The following ADAM9 variants were observed in gnomAD, a reference collection of about 807,000 sequenced individuals.
The protein encoded by ADAM9 is ADAM metallopeptidase domain 9, also known as disintegrin and metalloproteinase domain-containing protein 9.
Under a neutral mutation model 108.1 loss-of-function variants are expected in ADAM9, and 54 were observed. That is an observed-to-expected ratio of 0.50 (90% confidence interval 0.40 to 0.63). The LOEUF (loss-of-function observed/expected upper bound fraction) is 0.63, where lower values mean the gene tolerates loss of function less well. Among genes scored for constraint, ADAM9 ranks in the 20% least tolerant of loss-of-function variants. The pLI, the probability that ADAM9 is intolerant of heterozygous loss-of-function variation, is 0.00. For synonymous variants in ADAM9, 316 were observed against 336.0 expected, an observed-to-expected ratio of 0.94 and a Z score of 0.65; for missense variants, 830 against 997.7, an observed-to-expected ratio of 0.83 and a Z score of 2.26.
intron 1 of ADAM9, among the ~76,000 whole-genome samples, chr8:39,001,307 A>G (rs1195475763): frequency 1.3e-5 from 2 of 152,242 alleles, no homozygotes; most frequent in East Asian, 1.9e-4. Flanking sequence ...GTTCACTTTA[A>G]GTCATATGTG....
Position 39,104,559 on chromosome 8 carries a change from A to G in ADAM9, c.*859A>G, listed in dbSNP as rs1332855791. 5.0e-6 allele frequency: 2 copies of G among 398,044 alleles called. No homozygotes were observed. Among genetic ancestry groups the G allele is most frequent in the East Asian group, 7.1e-5 (1 of 14,010 alleles). 24.7% of individuals were successfully genotyped at this position (398,044 alleles called of 1,614,324 possible). Reference sequence around the variant, plus strand: ...AGCAGGAGCAATTATAAAATCTTCAATCAATTGAACTTTTACAAAACCACT... The same window carrying G: ...AGCAGGAGCAATTATAAAATCTTCAGTCAATTGAACTTTTACAAAACCACT... On this transcript the variant is annotated 3_prime_UTR_variant, in exon 22 of 22. Transcript: ENST00000487273.
At chr8:39,064,913 T>C (rs1838408053) in intron 14 of ADAM9, among the ~76,000 whole-genome samples, 1 of 152,236 alleles carries the variant, frequency 6.6e-6, no homozygotes, top group Non-Finnish European at 1.5e-5. Context: ...GAAGCCATTC[T>C]GATTTTTATA....
At chr8:39,031,424 C>A (rs1469381480) in intron 11 of ADAM9, among the ~76,000 whole-genome samples, 1 of 152,142 alleles carries the variant, frequency 6.6e-6, no homozygotes, top group Admixed American at 6.5e-5. Context: ...CTATCTGTCA[C>A]CTTTTGCTAA....
intron 20 of ADAM9, among the ~76,000 whole-genome samples, chr8:39,098,993 A>C (rs1839598306): frequency 6.6e-6 from 1 of 152,010 alleles, no homozygotes; most frequent in Non-Finnish European, 1.5e-5. Flanking sequence ...AATGTTAGGA[A>C]CTCTGGTCCC....
chr8:39,045,096 G>GTATGTGTA (rs1837614839), intron 12 of ADAM9, among the ~76,000 whole-genome samples: 1 of 15,476 alleles, frequency 6.5e-5, no homozygotes, highest in African/African-American at 3.1e-4. Flanking sequence ...ACATACATAT[G>GTATGTGTA]TGTGTGTGCA....
Position 39,091,195 on chromosome 8 carries a change from G to T in ADAM9, c.2211-64G>T. 3 of 1,455,850 alleles carry T rather than the reference G, an allele frequency of 2.1e-6. No homozygotes were observed. In the Admixed American group the frequency reaches 5.0e-5, roughly 24 times the overall value. The allele number at this position is 1,455,850 out of a possible 1,614,324, so 90.2% of individuals were successfully genotyped here. On this transcript the variant is annotated intron_variant, in intron 19 of 21. Coordinates refer to ENST00000487273, the MANE Select transcript of ADAM9 (RefSeq NM_003816.3). Reference sequence around the variant, plus strand: ...CTGTATTTGGGAAAATGCAAAATGTGTGTAATATTTCATGTAGAAATGTTT... The same window carrying T: ...CTGTATTTGGGAAAATGCAAAATGTTTGTAATATTTCATGTAGAAATGTTT...
In ADAM9 at chr8:39,103,953, G is replaced by T. The variant is rs963019181; in HGVS notation, c.*253G>T. 1.6e-5 allele frequency: 10 copies of T among 640,906 alleles called. No homozygotes were observed. The highest frequency in any genetic ancestry group is 2.6e-5 in the Non-Finnish European group (9 of 348,350). The allele number at this position is 640,906 out of a possible 1,614,324, so 39.7% of individuals were successfully genotyped here. A position where few individuals can be genotyped will look rare whatever the true frequency, so the allele number is the denominator to read the frequency against. ...TTGAATAAGTCTTATTCAGTCATCG[G>T]TGAGGTTAATGCACTAATCATGGAT... On this transcript the variant is annotated 3_prime_UTR_variant, in exon 22 of 22. Coordinates refer to ENST00000487273, the MANE Select transcript of ADAM9 (RefSeq NM_003816.3).
rs200692015 is a variant in ADAM9 at position 39,045,150 on chromosome 8, A to G, written c.1302+3033A>G. 6.6e-4 allele frequency among the ~76,000 whole-genome samples: 71 copies of G among 106,894 alleles called. 7 individuals carry two copies. The East Asian group carries it at 8.2e-3, about 12-fold the overall frequency. The allele number at this position is 106,894 out of a possible 152,430, so 70.1% of individuals were successfully genotyped here. A position where few individuals can be genotyped will look rare whatever the true frequency, so the allele number is the denominator to read the frequency against. The stretch of plus-strand genomic sequence containing the variant: ...TGCATACATACATATATGTGTATAT[A>G]TGTGTATACATACATATATGTGTAT... On this transcript the variant is annotated intron_variant, in intron 12 of 21. Coordinates refer to ENST00000487273, the MANE Select transcript of ADAM9 (RefSeq NM_003816.3).
At chr8:39,075,860 T>C (rs1467631030) in intron 15 of ADAM9, 5 of 152,200 alleles carry the variant, frequency 3.3e-5, no homozygotes, top group Non-Finnish European at 7.3e-5. Context: ...TTTTTTCAGC[T>C]GAAGAAACTG....
intron 2 of ADAM9, among the ~76,000 whole-genome samples, chr8:39,009,815 C>T (rs141442604): frequency 7.9e-4 from 115 of 144,982 alleles, no homozygotes; most frequent in African/African-American, 2.9e-3. Flanking sequence ...ATTGGGGATA[C>T]GGCAGTGAAC....
rs113532674 is a variant in ADAM9, at chr8:39,036,866, A to AT, written c.1131-5065dup. The stretch of plus-strand genomic sequence containing the variant: ...TTCTATAGTCAATTCATGTGGGTGA[A>AT]TTTTTTTTTTTTTTTGGTAGATTGC... On this transcript the variant is annotated intron_variant, in intron 11 of 21. Coordinates refer to ENST00000487273, the MANE Select transcript of ADAM9 (RefSeq NM_003816.3). Among the ~76,000 whole-genome samples, 458 of 142,674 alleles carry AT rather than the reference A, an allele frequency of 3.2e-3. 2 individuals are homozygous for AT. The highest frequency in any genetic ancestry group is 7.3e-3 in the Middle Eastern group (2 of 274). 93.6% of individuals were successfully genotyped at this position (142,674 alleles called of 152,430 possible).
rs1839795047 is a variant in ADAM9, at chr8:39,104,301, A to G, written c.*601A>G. On this transcript the variant is annotated 3_prime_UTR_variant, in exon 22 of 22. Coordinates refer to ENST00000487273, the MANE Select transcript of ADAM9 (RefSeq NM_003816.3). The stretch of plus-strand genomic sequence containing the variant: ...TGTCATATTATTTTGAAAGTACAAA[A>G]TATACTAAAAGAGTGTGTGTGTATT... 4.4e-6 allele frequency: 2 copies of G among 452,898 alleles called. No individual in the cohort carries two copies. The highest frequency in any genetic ancestry group is 2.4e-5 in the Admixed American group (1 of 42,512). The allele number at this position is 452,898 out of a possible 1,614,324, so 28.1% of individuals were successfully genotyped here.
chr8:39,044,899 T>C (rs1320672989), intron 12 of ADAM9, among the ~76,000 whole-genome samples: 2 of 145,112 alleles, frequency 1.4e-5, no homozygotes, highest in Non-Finnish European at 3.0e-5. Context: ...TATATGTGTG[T>C]GCACACATAC....
At chr8:39,062,511 T>A (rs1838330267) in intron 14 of ADAM9, among the ~76,000 whole-genome samples, 1 of 152,230 alleles carries the variant, frequency 6.6e-6, no homozygotes, top group Admixed American at 6.5e-5. Context: ...AACTAGCCAA[T>A]GCCGTAAGTT....
At chr8:39,041,160 G>C (rs1837445578) in intron 11 of ADAM9, among the ~76,000 whole-genome samples, 1 of 151,978 alleles carries the variant, frequency 6.6e-6, no homozygotes, top group African/African-American at 2.4e-5. Context: ...ATTTCCACTA[G>C]TTTTCAAAGG....
At chr8:39,011,399 G>C (rs1003514154) in intron 2 of ADAM9, among the ~76,000 whole-genome samples, 1 of 152,152 alleles carries the variant, frequency 6.6e-6, no homozygotes, top group Admixed American at 6.5e-5. Context: ...TGCAGTTATA[G>C]CTGAATTAGA....
At chr8:39,091,085 T>G (rs1333248363) in intron 19 of ADAM9, among the ~76,000 whole-genome samples, 174 bp from the exon 20 acceptor site, 1 of 152,198 alleles carries the variant, frequency 6.6e-6, no homozygotes, top group Non-Finnish European at 1.5e-5. Context: ...CCATAAGGAT[T>G]AAAAATACGT....
chr8:39,011,670 A>G lies in ADAM9; in HGVS notation c.208A>G (p.Ile70Val), dbSNP rs761058825. Reference sequence around the variant, plus strand: ...TCTGTGCATTTAGGTATCTTATGTTATTCAGGCTGAAGGAAAAGAGCATAT... The same window carrying G: ...TCTGTGCATTTAGGTATCTTATGTTGTTCAGGCTGAAGGAAAAGAGCATAT... Reference protein sequence around the residue: ...RPYSKQVSYVIQAEGKEHIIH... With the variant: ...RPYSKQVSYVVQAEGKEHIIH... Residue 70 changes from isoleucine (I) to valine (V), a missense_variant, in exon 3 of 22, where the codon ATT becomes GTT. By Grantham distance (29) the Ile-to-Val change is conservative (BLOSUM62 3). Transcript: ENST00000487273. 2 of 1,611,044 alleles carry G rather than the reference A, an allele frequency of 1.2e-6. No individual in the cohort carries two copies. Among genetic ancestry groups the G allele is most frequent in the Non-Finnish European group, 1.7e-6 (2 of 1,177,304 alleles).
intron 17 of ADAM9, 118 bp from the exon 18 acceptor site, chr8:39,082,850 T>G: frequency 3.0e-6 from 4 of 1,345,480 alleles, no homozygotes; most frequent in Non-Finnish European, 3.2e-6. Flanking sequence ...ATTTTCATTC[T>G]TAAACAGTGT....
Sources: allele counts gnomAD v4.1 joint callset (sites outside exome capture counted in the v4.1 genomes callset), GRCh38; gene constraint gnomAD v4.1.1; transcripts MANE v1.5; gene names NCBI Gene and HGNC (gene_info 2026-07-23, HGNC 2026-07-21).